Variants in TBC1D9B observed in about 807,000 individuals in gnomAD.
The protein encoded by TBC1D9B is TBC1 domain family, member 9B (with GRAM domain).
TBC1D9B carries 87 observed loss-of-function variants against 121.1 expected under a neutral mutation model. The observed-to-expected ratio is 0.72, with a 90% CI of 0.60 to 0.86. The LOEUF is 0.86. TBC1D9B is among the 40% of genes least tolerant of loss of function. The pLI is 0.00. For synonymous variants in TBC1D9B, 668 were observed against 670.1 expected (o/e 1.00, Z 0.05); for missense variants, 1,540 against 1,628.6 (o/e 0.95, Z 0.94).
At chr5:179,896,992 C>T (rs11956882) in intron 3 of TBC1D9B, among the ~76,000 whole-genome samples, 2,949 of 150,110 alleles carry the variant, frequency 0.02, 61 homozygotes, top group African/African-American at 0.061. Context: ...CTGCAACCTC[C>T]GCCTCCCAGG....
In TBC1D9B at chr5:179,869,566, C is replaced by A. The variant is rs756797591; in HGVS notation, c.2791+203G>T. The A allele has an allele frequency of 5.7e-6, 4 of 696,932 alleles. No homozygotes were observed. In the East Asian group the frequency reaches 1.1e-4, roughly 19 times the overall value. 43.2% of individuals were successfully genotyped at this position (696,932 alleles called of 1,614,324 possible). On this transcript the variant is annotated intron_variant, in intron 17 of 20. Coordinates refer to ENST00000355235, the MANE Select transcript of TBC1D9B (RefSeq NM_015043.4). ...CGGTCACCCATGGGATTCTCCTCCA[C>A]GTCCCTTCCCAGGCCAAGGCCCTGC...
At chr5:179,892,712 G>T (rs1760900357) in intron 5 of TBC1D9B, among the ~76,000 whole-genome samples, 3 of 152,180 alleles carry the variant, frequency 2.0e-5, no homozygotes, top group Admixed American at 2.0e-4. Context: ...GCTGTGAGAG[G>T]CCTCTGGCCA....
At chr5:179,892,766 C>T (rs27744) in intron 5 of TBC1D9B, among the ~76,000 whole-genome samples, 17,562 of 152,224 alleles carry the variant, frequency 0.12, 1,124 homozygotes, top group Middle Eastern at 0.22. Flanking sequence ...CACGGTGGGA[C>T]GGAGGCCGTG....
At chr5:179,893,616 C>A in intron 4 of TBC1D9B, 149 bp from the exon 5 acceptor site, 2 of 1,147,000 alleles carry the variant, frequency 1.7e-6, no homozygotes, top group South Asian at 1.6e-5. Context: ...TGTGTCACGC[C>A]CTCCATGTGG....
rs759139394 is a variant in TBC1D9B at position 179,893,433 on chromosome 5, A to G, written c.612T>C (p.Arg204=). The G allele has an allele frequency of 1.2e-6, 2 of 1,612,758 alleles. No homozygotes were observed. The highest frequency in any genetic ancestry group is 1.7e-4 in the Middle Eastern group (1 of 6,052). The change falls in exon 5 of 21, where the codon CGT becomes CGC. Residue 204 remains arginine (R), a synonymous_variant. Transcript: ENST00000355235. ...SLVVQWVDIT[R]LEKNATLLFP... Reference sequence around the variant, plus strand: ...AGAGCAGGGTGGCGTTCTTCTCCAGACGCGTTATGTCCACCCACTGCACCA... The same window carrying G: ...AGAGCAGGGTGGCGTTCTTCTCCAGGCGCGTTATGTCCACCCACTGCACCA...
At position 179,904,222 on chromosome 5, in the gene TBC1D9B, T is replaced by TC. The variant is rs1761240997; in HGVS notation, c.229+479_229+480insG. Among the ~76,000 whole-genome samples the TC allele has an allele frequency of 1.1e-5, 1 of 93,852 alleles. No homozygotes were observed. The highest frequency in any genetic ancestry group is 3.2e-4 in the South Asian group (1 of 3,160). The allele number at this position is 93,852 out of a possible 152,430, so 61.6% of individuals were successfully genotyped here. On this transcript the variant is annotated intron_variant, in intron 2 of 20. Transcript: ENST00000355235. The surrounding 1 kb of genome is among the most constrained non-coding windows in gnomAD (Gnocchi z 4.2). ...GTCCCCATGACCAGTGGAGCTGCCT[T>TC]TTTTTTTTTTTTTTTTTTTTGAGAC...
intron 14 of TBC1D9B, chr5:179,871,735 C>G (rs1293684652): frequency 1.9e-6 from 1 of 537,974 alleles, no homozygotes; most frequent in Non-Finnish European, 3.4e-6. Context: ...AGCTCACACT[C>G]CGGGCTCCTT....
At chr5:179,889,507 A>C (rs1328016611) in intron 6 of TBC1D9B, among the ~76,000 whole-genome samples, 2 of 152,126 alleles carry the variant, frequency 1.3e-5, no homozygotes, top group Non-Finnish European at 2.9e-5. Context: ...GAGGACTCTA[A>C]GCAGGGTGCC....
chr5:179,891,289 A>C lies in TBC1D9B; in HGVS notation c.1044+90T>G, dbSNP rs1760853020. The stretch of plus-strand genomic sequence containing the variant: ...GCATCCTCCCAGGTACCCCCCAGTG[A>C]GACAGGGCAGAGCAGGACAGGCTGG... On this transcript the variant is annotated intron_variant, in intron 6 of 20. Coordinates refer to ENST00000355235, the MANE Select transcript of TBC1D9B (RefSeq NM_015043.4). The surrounding 1 kb of genome is among the most constrained non-coding windows in gnomAD (Gnocchi z 4.3). 11 of 1,466,060 alleles carry C rather than the reference A, an allele frequency of 7.5e-6. 1 individual carries two copies. In the South Asian group the frequency reaches 1.2e-4, roughly 16 times the overall value. 90.8% of individuals were successfully genotyped at this position (1,466,060 alleles called of 1,614,324 possible). A position where few individuals can be genotyped will look rare whatever the true frequency, so the allele number is the denominator to read the frequency against.
At position 179,907,170 on chromosome 5, in the gene TBC1D9B, G is replaced by A. The variant is rs1761345219; in HGVS notation, c.118+534C>T. Among the ~76,000 whole-genome samples, 1 of 152,210 alleles carries A rather than the reference G, an allele frequency of 6.6e-6. No homozygotes were observed. Among genetic ancestry groups the A allele is most frequent in the Admixed American group, 6.5e-5 (1 of 15,294 alleles). On this transcript the variant is annotated intron_variant, in intron 1 of 20. Coordinates refer to ENST00000355235, the MANE Select transcript of TBC1D9B (RefSeq NM_015043.4). This position sits in a 1 kb window ranked among gnomAD's most constrained non-coding sequence, Gnocchi z 5.3. ...AGCAGCCAGGAGCAGGAAAGGTGGG[G>A]GAGGAGAAGCTGGGGGAATGGGGGT...
chr5:179,869,793 G>A lies in TBC1D9B; in HGVS notation c.2767C>T (p.Leu923Phe), dbSNP rs1226002450. The change falls in exon 17 of 21, where the codon CTC becomes TTC. Residue 923 changes from leucine (L) to phenylalanine (F), a missense_variant. By Grantham distance (22) the Leu-to-Phe change is conservative. Transcript: ENST00000355235. ...CCTGGGGGAAGGTGTAGCTTGTAGA[G>A]CACCTTGAGCTTCTCTGTCAGGTCC... ...HGDLTEKLKV[L>F]YKLHLPPALS... 2.5e-6 allele frequency: 4 copies of A among 1,586,750 alleles called. No individual in the cohort carries two copies. The highest frequency in any genetic ancestry group is 3.4e-6 in the Non-Finnish European group (4 of 1,164,474).
chr5:179,865,176 G>T lies in TBC1D9B; in HGVS notation c.3021+78C>A. The stretch of plus-strand genomic sequence containing the variant: ...CCCACCCACCAGGAGATGCTGCAGT[G>T]CAGGTGCGGTGATGTTAGGGCCCAG... On this transcript the variant is annotated intron_variant, in intron 20 of 20. Transcript: ENST00000355235. This position sits in a 1 kb window ranked among gnomAD's most constrained non-coding sequence, Gnocchi z 5.1. 7.5e-7 allele frequency: 1 copy of T among 1,339,640 alleles called. No homozygotes were observed. Among genetic ancestry groups the T allele is most frequent in the Non-Finnish European group, 1.1e-6 (1 of 931,874 alleles). 83.0% of individuals were successfully genotyped at this position (1,339,640 alleles called of 1,614,324 possible). A position where few individuals can be genotyped will look rare whatever the true frequency, so the allele number is the denominator to read the frequency against.
chr5:179,882,596 C>T (rs1760571830), intron 7 of TBC1D9B, among the ~76,000 whole-genome samples: 1 of 152,140 alleles, frequency 6.6e-6, no homozygotes, highest in Admixed American at 6.5e-5. Flanking sequence ...ATAATCTCAG[C>T]ACTCTGGGAG....
Position 179,875,838 on chromosome 5 carries a change from C to T in TBC1D9B, c.1900+82G>A. 5 of 1,155,094 alleles carry T rather than the reference C, an allele frequency of 4.3e-6. No individual in the cohort carries two copies. The highest frequency in any genetic ancestry group is 4.8e-6 in the Non-Finnish European group (4 of 832,752). The allele number at this position is 1,155,094 out of a possible 1,614,324, so 71.6% of individuals were successfully genotyped here. A position where few individuals can be genotyped will look rare whatever the true frequency, so the allele number is the denominator to read the frequency against. ...TAGGGAACCCACGTGAAGCCTGGAG[C>T]TTGGCCTGGGAAGGGCTGCCACCCT... On this transcript the variant is annotated intron_variant, in intron 11 of 20. Transcript: ENST00000355235. This position sits in a 1 kb window ranked among gnomAD's most constrained non-coding sequence, Gnocchi z 4.5.
intron 18 of TBC1D9B, chr5:179,867,269 C>G (rs865846319): frequency 8.7e-6 from 6 of 691,030 alleles, no homozygotes; most frequent in South Asian, 4.6e-5. Context: ...CGCCCACCTA[C>G]AGCAGACACG....
chr5:179,898,187 T>C (rs974628534), intron 3 of TBC1D9B, among the ~76,000 whole-genome samples: 1 of 150,708 alleles, frequency 6.6e-6, no homozygotes, highest in South Asian at 2.1e-4. Flanking sequence ...AGTCTCATTC[T>C]GTCGCCTGGG....
chr5:179,906,881 C>T (rs1223529133), intron 1 of TBC1D9B, among the ~76,000 whole-genome samples: 3 of 152,252 alleles, frequency 2.0e-5, no homozygotes, highest in Non-Finnish European at 4.4e-5. Context: ...GTCGGTGCCC[C>T]GAAGAGCACA....
chr5:179,903,963 A>C (rs1217431583), intron 2 of TBC1D9B, among the ~76,000 whole-genome samples: 2 of 152,192 alleles, frequency 1.3e-5, no homozygotes, highest in African/African-American at 4.8e-5. Context: ...CACTGCTTTG[A>C]ACGTGCATGT....
chr5:179,891,287 T>G lies in TBC1D9B; in HGVS notation c.1044+92A>C. The G allele has an allele frequency of 1.7e-5, 25 of 1,454,092 alleles. No individual in the cohort carries two copies. Among genetic ancestry groups the G allele is most frequent in the Non-Finnish European group, 2.3e-5 (24 of 1,047,858 alleles). The allele number at this position is 1,454,092 out of a possible 1,614,324, so 90.1% of individuals were successfully genotyped here. On this transcript the variant is annotated intron_variant, in intron 6 of 20. Transcript: ENST00000355235. The surrounding 1 kb of genome is among the most constrained non-coding windows in gnomAD (Gnocchi z 4.3). ...GGGCATCCTCCCAGGTACCCCCCAG[T>G]GAGACAGGGCAGAGCAGGACAGGCT...
Sources: gnomAD v4.1 joint callset for allele counts (sites outside exome capture counted in the v4.1 genomes callset) on GRCh38, gnomAD v4.1.1 for gene constraint, Gnocchi (gnomAD v3.1) non-coding constraint, MANE v1.5 for transcripts, NCBI Gene and HGNC (gene_info 2026-07-23, HGNC 2026-07-21) for gene names.